The following ZNF219 variants were observed in gnomAD, a reference collection of about 807,000 sequenced individuals.
The protein encoded by ZNF219 is zinc finger protein 219.
Under a neutral mutation model 54.4 loss-of-function variants are expected in ZNF219, and 17 were observed. The ratio of observed to expected loss-of-function variants is 0.31; its 90% CI spans 0.21 to 0.47. The LOEUF (loss-of-function observed/expected upper bound fraction) is 0.47, where lower values mean the gene tolerates loss of function less well. ZNF219 is among the 20% of genes least tolerant of loss of function. ZNF219 has a pLI of 1.00. For missense variants in ZNF219, 1,014 were observed against 1,062.3 expected, an observed-to-expected ratio of 0.95 and a Z score of 0.63; for synonymous variants, 518 against 476.4, an observed-to-expected ratio of 1.09 and a Z score of -1.14.
upstream of ZNF219, chr14:21,101,499 C>T (rs1889629698): frequency 6.7e-7 from 1 of 1,484,262 alleles, no homozygotes; most frequent in Non-Finnish European, 9.2e-7. Context: ...CCACTTCTAC[C>T]CAATTCAATT....
upstream of ZNF219, chr14:21,101,381 A>G: frequency 6.4e-7 from 1 of 1,551,700 alleles, no homozygotes; most frequent in Non-Finnish European, 8.7e-7. Context: ...CAGGAGAGAC[A>G]CAGCCTTCGT....
Position 21,092,541 on chromosome 14 carries a change from G to GGGCTCCGGCTCC in ZNF219, c.744_755dup (p.Pro250_Glu253dup). The GGGCTCCGGCTCC allele has an allele frequency of 6.5e-7, 1 of 1,549,136 alleles. No individual in the cohort carries two copies. ...CTGGGGTCGGGGTTGCCTCACGTTCGGGCTCCGGCTCCGGCTCCGGCTGGG... is the reference window on the plus strand; with the variant it reads ...CTGGGGTCGGGGTTGCCTCACGTTCGGGCTCCGGCTCCGGCTCCGGCTCCGGCTCCGGCTGGG... On this transcript the variant is annotated inframe_insertion, in exon 3 of 5. Coordinates refer to ENST00000360947, the MANE Select transcript of ZNF219 (RefSeq NM_016423.3).
At chr14:21,098,929 G>A (rs745460237), upstream of ZNF219, 19 of 1,122,906 alleles carry the variant, frequency 1.7e-5, no homozygotes, top group Non-Finnish European at 2.1e-5. Flanking sequence ...TTTTGGGGGA[G>A]GAGGAGGGGC....
chr14:21,093,353 T>A, intron 2 of ZNF219, 63 bp from the exon 3 acceptor site: 1 of 1,511,052 alleles, frequency 6.6e-7, no homozygotes, highest in Non-Finnish European at 8.8e-7. Flanking sequence ...AGCAAGGGCG[T>A]CGCCTCGAGG....
At chr14:21,102,377 G>A, upstream of ZNF219, 1 of 1,550,720 alleles carries the variant, frequency 6.4e-7, no homozygotes, top group Non-Finnish European at 8.7e-7. Context: ...CCCCTAGGCT[G>A]GGCAGGGCTG....
At chr14:21,104,198 C>T (rs1345690856) in intron 1 of ZNF219, 1 of 152,302 alleles carries the variant, frequency 6.6e-6, no homozygotes, top group African/African-American at 2.4e-5. Context: ...TTTCCCGCCT[C>T]TTGCGAGCAC....
Position 21,092,884 on chromosome 14 carries a change from C to T in ZNF219, c.413G>A (p.Arg138Gln). The T allele has an allele frequency of 6.5e-7, 1 of 1,545,456 alleles. No individual in the cohort carries two copies. The highest frequency in any genetic ancestry group is 1.2e-5 in the South Asian group (1 of 80,246). ...LLREARLGRA[R>Q]SSGGMQATPA... ...GGTGGCCTGCATGCCCCCTGAGCTT[C>T]GGGCTCTCCCCAGTCGGGCCTCGCG... The change falls in exon 3 of 5, where the codon CGA becomes CAA. Residue 138 changes from arginine (R) to glutamine (Q), a missense_variant. Physicochemically the swap from Arg to Gln is conservative, Grantham distance 43 (BLOSUM62 1). Around this residue, in one of 5 missense-constraint regions of ZNF219, gnomAD observed 395 missense variants for 415.1 expected, o/e 0.95. Transcript: ENST00000360947.
rs374248762 is a variant in ZNF219 at position 21,093,090 on chromosome 14, G to A, written c.207C>T (p.Asn69=). 34 of 1,607,142 alleles carry A rather than the reference G, an allele frequency of 2.1e-5. No individual in the cohort carries two copies. Among genetic ancestry groups the A allele is most frequent in the Non-Finnish European group, 2.5e-5 (30 of 1,178,150 alleles). ...CCCGCAGGTGCAAAGCAAGGATAGA[G>A]TTGAAGCGGAAGCGCTTCCCGCATA... ...CPVCGKRFRF[N]SILALHLRAH... Residue 69 remains asparagine (N), a synonymous_variant, in exon 3 of 5, where the codon AAC becomes AAT. Coordinates refer to ENST00000360947, the MANE Select transcript of ZNF219 (RefSeq NM_016423.3).
At chr14:21,095,898 A>C (rs1889257595) in intron 1 of ZNF219, among the ~76,000 whole-genome samples, 1 of 152,226 alleles carries the variant, frequency 6.6e-6, no homozygotes, top group Admixed American at 6.5e-5. Context: ...CCTGACAGTT[A>C]CAGTTTGTAC....
In ZNF219 at chr14:21,090,644, A is replaced by T; in HGVS notation, c.2061T>A (p.Tyr687Ter). 1.2e-6 allele frequency: 2 copies of T among 1,612,582 alleles called. No individual in the cohort carries two copies. The highest frequency in any genetic ancestry group is 1.7e-6 in the Non-Finnish European group (2 of 1,179,828). ...RPPQADASPPYARVPSGETPP... is the reference protein window; with the variant it reads ...RPPQADASPP ...GGGTCTCTCCTGATGGTACTCGGGC[A>T]TAGGGCGGGGACGCGTCAGCCTGGG... Residue 687 changes from tyrosine to a stop codon, truncating the protein, a stop_gained, in exon 5 of 5, where the codon TAT (tyrosine) becomes TAA (stop). Transcript: ENST00000360947. LOFTEE classifies it high-confidence loss of function. This position sits in a 1 kb window ranked among gnomAD's most constrained non-coding sequence, Gnocchi z 4.4.
intron 1 of ZNF219, among the ~76,000 whole-genome samples, chr14:21,096,086 G>A (rs1451336073): frequency 6.6e-6 from 1 of 152,096 alleles, no homozygotes; most frequent in African/African-American, 2.4e-5. Flanking sequence ...CTAACCTATG[G>A]GCACATACTC....
upstream of ZNF219, chr14:21,098,890 A>G: frequency 7.8e-7 from 1 of 1,277,114 alleles, no homozygotes; most frequent in Non-Finnish European, 1.0e-6. Flanking sequence ...TTTTATCTCA[A>G]AGCCTCTCCC....
chr14:21,103,483 C>T, upstream of ZNF219: 1 of 619,052 alleles, frequency 1.6e-6, no homozygotes, highest in Non-Finnish European at 2.7e-6. Flanking sequence ...TCCTCTCTTC[C>T]TGTCACCTCC....
chr14:21,092,191 G>C lies in ZNF219; in HGVS notation c.1106C>G (p.Pro369Arg). 7.0e-7 allele frequency: 1 copy of C among 1,437,878 alleles called. No individual in the cohort carries two copies. The highest frequency in any genetic ancestry group is 2.9e-5 in the Admixed American group (1 of 34,766). The allele number at this position is 1,437,878 out of a possible 1,614,324, so 89.1% of individuals were successfully genotyped here. Residue 369 changes from proline to arginine, a missense_variant, in exon 3 of 5, where the codon CCG (proline) becomes CGG (arginine). Physicochemically the swap from Pro to Arg is moderately radical, Grantham distance 103. This residue lies in a region of ZNF219 where 272 missense variants were observed against 248.9 expected (regional missense o/e 1.09). Transcript: ENST00000360947. ...GCTCGGGGGCTCACGGCGCTCGGCC[G>C]GGGTGGGAGCCGGGGCCAAGAGGAG... ...PALLLAPAPT[P>R]AERREPPSLL...
upstream of ZNF219, chr14:21,101,493 T>A (rs1311401352): frequency 7.3e-6 from 11 of 1,500,578 alleles, no homozygotes; most frequent in Non-Finnish European, 1.0e-5. Context: ...GCATGTCCAC[T>A]TCTACCCAAT....
chr14:21,093,145 C>T lies in ZNF219; in HGVS notation c.152G>A (p.Arg51His). Residue 51 changes from arginine to histidine, a missense_variant, in exon 3 of 5, where the codon CGT (arginine) becomes CAT (histidine). Transcript: ENST00000360947. ...GMGAVSWSES[R>H]AGERRFPCPV... ...GCAGGGGAAGCGCCGTTCGCCTGCA[C>T]GACTCTCAGACCAGCTCACCGCTCC... 1 of 1,610,440 alleles carries T rather than the reference C, an allele frequency of 6.2e-7. No homozygotes were observed. Among genetic ancestry groups the T allele is most frequent in the Non-Finnish European group, 8.5e-7 (1 of 1,179,312 alleles).
intron 1 of ZNF219, among the ~76,000 whole-genome samples, chr14:21,094,907 CTTT>C (rs59112788): frequency 0.77 from 95,942 of 125,144 alleles, 36,032 homozygotes; most frequent in Admixed American, 0.85. Context: ...TGGGTCTAAC[CTTT>C]TTTTTTTTTT....
At chr14:21,102,728 G>GA (rs1460483553), upstream of ZNF219, 6 of 1,551,346 alleles carry the variant, frequency 3.9e-6, no homozygotes, top group Admixed American at 2.0e-5. Flanking sequence ...TGAGCCAGAG[G>GA]AAACCAGGAT....
chr14:21,091,598 G>A (rs563102534), intron 3 of ZNF219, 56 bp from the exon 4 acceptor site: 130 of 1,552,300 alleles, frequency 8.4e-5, no homozygotes, highest in East Asian at 7.2e-4. Context: ...TCCAGGTGCC[G>A]CGCACCCACC....
Sources: gnomAD v4.1 joint callset for allele counts (sites outside exome capture counted in the v4.1 genomes callset) on GRCh38, gnomAD v4.1.1 for gene constraint, gnomAD v4.1.1 regional missense constraint, Gnocchi (gnomAD v3.1) non-coding constraint, MANE v1.5 for transcripts, NCBI Gene and HGNC (gene_info 2026-07-23, HGNC 2026-07-21) for gene names.